The following LHFPL3 variants were observed in gnomAD, a reference collection of about 807,000 sequenced individuals.
The protein encoded by LHFPL3 is LHFPL tetraspan subfamily member 3.
In LHFPL3, 5 loss-of-function variants were observed where a neutral mutation model predicts 19.3. That is an observed-to-expected ratio of 0.26 (90% CI 0.14 to 0.54). The LOEUF (loss-of-function observed/expected upper bound fraction) is 0.54, where lower values mean the gene tolerates loss of function less well. LHFPL3 is among the 20% of genes least tolerant of loss of function. The probability of loss-of-function intolerance (pLI) is 0.94; values close to 1 mark genes in which losing one functional copy is unlikely to be tolerated. For missense variants in LHFPL3, 249 were observed against 307.4 expected, an observed-to-expected ratio of 0.81 and a Z score of 1.42; for synonymous variants, 133 against 126.2, an observed-to-expected ratio of 1.05 and a Z score of -0.36.
chr7:104,531,831 C>G (rs891667151), intron 1 of LHFPL3, among the ~76,000 whole-genome samples: 1 of 152,094 alleles, frequency 6.6e-6, no homozygotes, highest in Non-Finnish European at 1.5e-5. Context: ...GGCTCTCCTC[C>G]TGGTGGTTTT....
intron 2 of LHFPL3, among the ~76,000 whole-genome samples, chr7:104,881,042 C>T (rs1452325649): frequency 2.0e-5 from 3 of 151,870 alleles, no homozygotes; most frequent in Admixed American, 2.0e-4. Flanking sequence ...TGCTAGCAGG[C>T]ACCTGTAGTC....
At chr7:104,450,766 T>C (rs930098011) in intron 1 of LHFPL3, among the ~76,000 whole-genome samples, 1 of 151,736 alleles carries the variant, frequency 6.6e-6, no homozygotes, top group Non-Finnish European at 1.5e-5. Context: ...TTCTATTAAG[T>C]AAAAGACAAA....
At chr7:104,896,828 G>A (rs945803568) in intron 2 of LHFPL3, among the ~76,000 whole-genome samples, 1 of 152,172 alleles carries the variant, frequency 6.6e-6, no homozygotes, top group Non-Finnish European at 1.5e-5. Flanking sequence ...GCTCATGCCT[G>A]TAATCCCAGT....
intron 1 of LHFPL3, among the ~76,000 whole-genome samples, chr7:104,587,856 T>G (rs1303260879): frequency 6.6e-6 from 1 of 152,208 alleles, no homozygotes; most frequent in Non-Finnish European, 1.5e-5. Flanking sequence ...TGATTTGCAT[T>G]TCTCTGATGG....
chr7:104,430,428 A>ACATG (rs1791963781), intron 1 of LHFPL3, among the ~76,000 whole-genome samples: 1 of 11,468 alleles, frequency 8.7e-5, no homozygotes, highest in African/African-American at 2.5e-4. Flanking sequence ...ACATATATAT[A>ACATG]TATATATATA....
chr7:104,666,735 G>T (rs1479749052), intron 1 of LHFPL3, among the ~76,000 whole-genome samples: 1 of 151,174 alleles, frequency 6.6e-6, no homozygotes, highest in African/African-American at 2.4e-5. Context: ...TTTTAGCCGG[G>T]ATGGTCTCGA....
chr7:104,814,770 C>A (rs904287526), intron 2 of LHFPL3, among the ~76,000 whole-genome samples: 1 of 152,222 alleles, frequency 6.6e-6, no homozygotes, highest in Non-Finnish European at 1.5e-5. Flanking sequence ...AGGGTGCTGG[C>A]GTGTCAGCAC....
intron 1 of LHFPL3, among the ~76,000 whole-genome samples, chr7:104,682,719 A>C (rs1250517557): frequency 6.6e-6 from 1 of 152,154 alleles, no homozygotes; most frequent in Non-Finnish European, 1.5e-5. Flanking sequence ...GTTTATTTTT[A>C]TCCTCTCAAC....
intron 2 of LHFPL3, among the ~76,000 whole-genome samples, chr7:104,898,683 G>A (rs1242711092): frequency 6.6e-6 from 1 of 152,120 alleles, no homozygotes; most frequent in African/African-American, 2.4e-5. Context: ...GGCCAGGCGC[G>A]GTGGTTCATG....
intron 2 of LHFPL3, among the ~76,000 whole-genome samples, chr7:104,835,728 A>T (rs953304878): frequency 6.8e-6 from 1 of 147,508 alleles, no homozygotes; most frequent in African/African-American, 2.5e-5. Flanking sequence ...GTATTTGACC[A>T]TTGTTTCATA....
intron 1 of LHFPL3, among the ~76,000 whole-genome samples, chr7:104,480,819 A>T (rs935345962): frequency 1.3e-5 from 2 of 152,220 alleles, no homozygotes; most frequent in African/African-American, 4.8e-5. Context: ...TAAAATCAAG[A>T]ATTTATATCA....
intron 1 of LHFPL3, among the ~76,000 whole-genome samples, chr7:104,351,764 A>G (rs1025121191): frequency 6.6e-6 from 1 of 152,250 alleles, no homozygotes; most frequent in South Asian, 2.1e-4. Flanking sequence ...TCAACCTCTC[A>G]TATGCCAAGT....
chr7:104,684,706 T>A (rs1011581664), intron 1 of LHFPL3, among the ~76,000 whole-genome samples: 1 of 152,180 alleles, frequency 6.6e-6, no homozygotes, highest in East Asian at 1.9e-4. Flanking sequence ...AAAAAGTCAG[T>A]TGCAGAGGCT....
chr7:104,502,817 T>C (rs985398989), intron 1 of LHFPL3, among the ~76,000 whole-genome samples: 1 of 152,230 alleles, frequency 6.6e-6, no homozygotes, highest in Non-Finnish European at 1.5e-5. Context: ...TACACAACTC[T>C]ATTCCATACT....
intron 1 of LHFPL3, among the ~76,000 whole-genome samples, chr7:104,700,123 A>G (rs150572824): frequency 1.3e-5 from 2 of 152,326 alleles, no homozygotes; most frequent in Non-Finnish European, 2.9e-5. Context: ...CACATCCTTC[A>G]TATGTGAGAA....
chr7:104,824,487 A>T (rs1319895633), intron 2 of LHFPL3, among the ~76,000 whole-genome samples: 9 of 66,078 alleles, frequency 1.4e-4, no homozygotes, highest in East Asian at 5.0e-4. Flanking sequence ...AATTATATAT[A>T]ATCTATAATT....
chr7:104,614,656 CT>C (rs1329203303), intron 1 of LHFPL3, among the ~76,000 whole-genome samples: 2 of 62,938 alleles, frequency 3.2e-5, no homozygotes, highest in African/African-American at 9.9e-5. Context: ...CTCTTCTCTC[CT>C]TCCTTCCTTC....
intron 1 of LHFPL3, among the ~76,000 whole-genome samples, chr7:104,452,615 T>C (rs558207780): frequency 9.3e-4 from 142 of 152,364 alleles, no homozygotes; most frequent in African/African-American, 3.3e-3. Context: ...CCTTTTCATA[T>C]GTTAATTAAG....
intron 1 of LHFPL3, among the ~76,000 whole-genome samples, chr7:104,522,471 GC>G (rs1179913765): frequency 1.3e-5 from 2 of 151,574 alleles, no homozygotes; most frequent in African/African-American, 4.8e-5. Flanking sequence ...CACCAGCATG[GC>G]ACATGTATAC....
Sources: allele counts gnomAD v4.1 joint callset (sites outside exome capture counted in the v4.1 genomes callset), GRCh38; gene constraint gnomAD v4.1.1; transcripts MANE v1.5; gene names NCBI Gene and HGNC (gene_info 2026-07-23, HGNC 2026-07-21).